Variants in PRKCE observed in about 807,000 individuals in gnomAD.
PRKCE encodes protein kinase C epsilon.
Under a neutral mutation model 85.4 loss-of-function variants are expected in PRKCE, and 16 were observed. The observed-to-expected ratio is 0.19, with a 90% CI of 0.13 to 0.28. The LOEUF (loss-of-function observed/expected upper bound fraction) is 0.28, where lower values mean the gene tolerates loss of function less well. Ranked by LOEUF, PRKCE falls within the 10% of genes least tolerant of loss-of-function variation. The probability of loss-of-function intolerance (pLI) is 1.00; values close to 1 mark genes in which losing one functional copy is unlikely to be tolerated. For missense variants in PRKCE, 573 were observed against 975.2 expected (o/e 0.59, Z 5.49); for synonymous variants, 388 against 371.5 (o/e 1.04, Z -0.51).
intron 11 of PRKCE, among the ~76,000 whole-genome samples, chr2:46,091,132 G>A (rs1223951695): frequency 3.3e-5 from 5 of 152,034 alleles, no homozygotes; most frequent in Non-Finnish European, 7.4e-5. Flanking sequence ...TGCTGGACAC[G>A]GGGTGGGGGA....
intron 10 of PRKCE, among the ~76,000 whole-genome samples, chr2:46,075,181 T>C (rs1668450560): frequency 6.6e-6 from 1 of 151,952 alleles, no homozygotes; most frequent in Non-Finnish European, 1.5e-5. Flanking sequence ...GCTGGGACTG[T>C]AGGCACGCAC....
intron 1 of PRKCE, among the ~76,000 whole-genome samples, chr2:45,797,691 TG>T (rs1370675814): frequency 6.6e-6 from 1 of 152,238 alleles, no homozygotes; most frequent in Non-Finnish European, 1.5e-5. Context: ...AGAGGATGGC[TG>T]GAGTCCACAT....
chr2:45,864,562 CT>C (rs1348901374), intron 2 of PRKCE, among the ~76,000 whole-genome samples: 6 of 152,132 alleles, frequency 3.9e-5, no homozygotes, highest in Non-Finnish European at 7.4e-5. Context: ...AACTTAAGGG[CT>C]TAATGTCTTA....
At position 45,696,125 on chromosome 2, in the gene PRKCE, A is replaced by AT. The variant is rs978932718; in HGVS notation, c.348+43688dup. On this transcript the variant is annotated intron_variant, in intron 1 of 14. Coordinates refer to ENST00000306156, the MANE Select transcript of PRKCE (RefSeq NM_005400.3). ...CACAACAGTCCCCAGAGTGTGAGAA[A>AT]TTTTTTTTTTTGTAGAACAGGGGTC... Among the ~76,000 whole-genome samples the AT allele has an allele frequency of 9.3e-4, 104 of 111,344 alleles. No individual in the cohort carries two copies. The Middle Eastern group carries it at 0.022, about 23-fold the overall frequency. The allele number at this position is 111,344 out of a possible 152,430, so 73.0% of individuals were successfully genotyped here.
At chr2:45,762,474 G>A (rs546640617) in intron 1 of PRKCE, among the ~76,000 whole-genome samples, 1 of 152,330 alleles carries the variant, frequency 6.6e-6, no homozygotes, top group Non-Finnish European at 1.5e-5. Flanking sequence ...GAGGCTCAGA[G>A]GAAAGTCCCT....
rs114331599 is a variant in PRKCE at position 45,870,403 on chromosome 2, G to C, written c.412+27340G>C. Among the ~76,000 whole-genome samples the C allele has an allele frequency of 6.3e-3, 961 of 152,282 alleles. 15 individuals are homozygous for C. Among genetic ancestry groups the C allele is most frequent in the African/African-American group, 0.022 (910 of 41,550 alleles). On this transcript the variant is annotated intron_variant, in intron 2 of 14. Coordinates refer to ENST00000306156, the MANE Select transcript of PRKCE (RefSeq NM_005400.3). ...GTGTGCATGTTCGAGATGCTAACTT[G>C]TTTTAAAGGTATAACTGGGGGGAGA...
chr2:45,809,613 G>T (rs1218713653), intron 1 of PRKCE, among the ~76,000 whole-genome samples: 2 of 151,956 alleles, frequency 1.3e-5, no homozygotes, highest in African/African-American at 4.8e-5. Context: ...GTCGGGCACG[G>T]TGGCTCATGC....
intron 1 of PRKCE, among the ~76,000 whole-genome samples, chr2:45,831,920 C>G (rs888136057): frequency 6.6e-6 from 1 of 151,284 alleles, no homozygotes; most frequent in Non-Finnish European, 1.5e-5. Context: ...GAAACTTTGA[C>G]TAATTTGATA....
chr2:46,012,496 C>T (rs904595985), intron 10 of PRKCE, among the ~76,000 whole-genome samples: 4 of 152,314 alleles, frequency 2.6e-5, no homozygotes, highest in African/African-American at 9.6e-5. Context: ...TGATCCAGCA[C>T]AGGGTCCCTT....
chr2:45,825,637 G>C (rs552433500), intron 1 of PRKCE, among the ~76,000 whole-genome samples: 1 of 152,124 alleles, frequency 6.6e-6, no homozygotes, highest in African/African-American at 2.4e-5. Context: ...TAATCCCAGC[G>C]CTTTGGGAGG....
chr2:46,163,329 C>G (rs892607524), intron 14 of PRKCE, among the ~76,000 whole-genome samples: 9 of 151,654 alleles, frequency 5.9e-5, no homozygotes, highest in Admixed American at 4.6e-4. Flanking sequence ...GAGGTGCACC[C>G]CACAGAGGCC....
intron 1 of PRKCE, among the ~76,000 whole-genome samples, chr2:45,717,255 G>A (rs1522987): frequency 0.11 from 16,567 of 152,234 alleles, 1,002 homozygotes; most frequent in East Asian, 0.16. Context: ...AGCTTCTGTA[G>A]CATCCAGGTT....
chr2:45,859,888 A>T (rs1176356583), intron 2 of PRKCE, among the ~76,000 whole-genome samples: 1 of 152,192 alleles, frequency 6.6e-6, no homozygotes, highest in South Asian at 2.1e-4. Context: ...AAATGAGCTG[A>T]TGTGCATGAA....
At chr2:45,734,739 C>A (rs1231213592) in intron 1 of PRKCE, among the ~76,000 whole-genome samples, 3 of 152,058 alleles carry the variant, frequency 2.0e-5, no homozygotes, top group African/African-American at 7.2e-5. Flanking sequence ...ACTCACTCCC[C>A]AACTGCTGGG....
At chr2:45,956,708 C>T (rs568815851) in intron 2 of PRKCE, among the ~76,000 whole-genome samples, 1 of 152,162 alleles carries the variant, frequency 6.6e-6, no homozygotes, top group South Asian at 2.1e-4. Flanking sequence ...AAAGAACCTG[C>T]AAACTCTTTT....
rs974262371 is a variant in PRKCE, at chr2:45,652,011, C to T, written c.-90C>T. 15 of 1,026,134 alleles carry T rather than the reference C, an allele frequency of 1.5e-5. No homozygotes were observed. Among genetic ancestry groups the T allele is most frequent in the Non-Finnish European group, 2.2e-5 (15 of 693,998 alleles). The allele number at this position is 1,026,134 out of a possible 1,614,324, so 63.6% of individuals were successfully genotyped here. A position where few individuals can be genotyped will look rare whatever the true frequency, so the allele number is the denominator to read the frequency against. ...GTGGGGCGAAAGGGGACCCAAGAGTCCCTGTGGCTCGGAGTGCCGGGCCGT... is the reference window on the plus strand; with the variant it reads ...GTGGGGCGAAAGGGGACCCAAGAGTTCCTGTGGCTCGGAGTGCCGGGCCGT... On this transcript the variant is annotated 5_prime_UTR_variant, in exon 1 of 15. Coordinates refer to ENST00000306156, the MANE Select transcript of PRKCE (RefSeq NM_005400.3). The surrounding 1 kb of genome is among the most constrained non-coding windows in gnomAD (Gnocchi z 7.7).
intron 10 of PRKCE, among the ~76,000 whole-genome samples, chr2:46,016,322 T>C (rs1706141686): frequency 6.6e-6 from 1 of 152,142 alleles, no homozygotes; most frequent in Non-Finnish European, 1.5e-5. Context: ...TGTATGTGTG[T>C]GGTGGCGTGT....
chr2:45,774,063 G>A lies in PRKCE; in HGVS notation c.349-68937G>A, dbSNP rs372292633. ...AGACCCCAGAGTCCTCCCCTCCCCC[G>A]CTGCTGCTGTTCATCTTGGGGGACC... is the stretch of plus-strand genomic sequence containing the variant. On this transcript the variant is annotated intron_variant, in intron 1 of 14. Coordinates refer to ENST00000306156, the MANE Select transcript of PRKCE (RefSeq NM_005400.3). The surrounding 1 kb of genome is among the most constrained non-coding windows in gnomAD (Gnocchi z 4.3). Among the ~76,000 whole-genome samples, 9 of 152,254 alleles carry A rather than the reference G, an allele frequency of 5.9e-5. No individual in the cohort carries two copies. The South Asian group carries it at 1.0e-3, about 18-fold the overall frequency.
chr2:45,996,697 C>G (rs146934510), intron 6 of PRKCE, among the ~76,000 whole-genome samples: 1 of 152,038 alleles, frequency 6.6e-6, no homozygotes, highest in African/African-American at 2.4e-5. Context: ...CCTACTTGGT[C>G]ATGGTGTGTA....
Sources: allele counts gnomAD v4.1 joint callset (sites outside exome capture counted in the v4.1 genomes callset), GRCh38; gene constraint gnomAD v4.1.1; non-coding constraint Gnocchi (gnomAD v3.1); transcripts MANE v1.5; gene names NCBI Gene and HGNC (gene_info 2026-07-23, HGNC 2026-07-21).